PHF21A: variants seen among roughly 807,000 people sequenced by gnomAD.
PHF21A encodes PHD finger protein 21A, also known as BHC80a.
PHF21A carries 11 observed loss-of-function variants against 82.5 expected under a neutral mutation model. The observed-to-expected ratio is 0.13, with a 90% CI of 0.08 to 0.22. The LOEUF (loss-of-function observed/expected upper bound fraction) is 0.22. Ranked by LOEUF, PHF21A falls within the 10% of genes least tolerant of loss-of-function variation. The probability of loss-of-function intolerance (pLI) is 1.00; values close to 1 mark genes in which losing one functional copy is unlikely to be tolerated. For synonymous variants in PHF21A, 297 were observed against 302.8 expected (o/e 0.98, Z 0.20); for missense variants, 579 against 837.8 (o/e 0.69, Z 3.81).
intron 1 of PHF21A, among the ~76,000 whole-genome samples, chr11:46,098,929 G>A (rs986444195): frequency 6.6e-6 from 1 of 152,064 alleles, no homozygotes; most frequent in Non-Finnish European, 1.5e-5. Flanking sequence ...GGAGTTGTTC[G>A]CTCAGAAATG....
At chr11:46,098,587 T>C (rs2097039310) in intron 1 of PHF21A, among the ~76,000 whole-genome samples, 1 of 152,188 alleles carries the variant, frequency 6.6e-6, no homozygotes, top group Non-Finnish European at 1.5e-5. Flanking sequence ...CACGAAGCTG[T>C]TTTCTGAGTC....
intron 3 of PHF21A, among the ~76,000 whole-genome samples, chr11:46,088,670 A>G (rs2096884833): frequency 6.6e-6 from 1 of 152,234 alleles, no homozygotes; most frequent in Non-Finnish European, 1.5e-5. Context: ...TGTGGTTTAA[A>G]TAAGGCAAAA....
chr11:46,115,517 A>G (rs966713569), intron 1 of PHF21A, among the ~76,000 whole-genome samples: 2 of 152,240 alleles, frequency 1.3e-5, no homozygotes, highest in East Asian at 3.8e-4. Flanking sequence ...TTAACATATT[A>G]TCTCTTTTTT....
In PHF21A at chr11:45,932,625, T is replaced by C. The variant is rs562758394; in HGVS notation, c.*1343A>G. 6.5e-6 allele frequency: 1 copy of C among 152,676 alleles called. No homozygotes were observed. The allele number at this position is 152,676 out of a possible 1,614,324, so 9.5% of individuals were successfully genotyped here. ...TTTTAGGAAACAAATAGCACTTTTG[T>C]AATTTTTTTTTACAATGTTTCTTAC... On this transcript the variant is annotated 3_prime_UTR_variant, in exon 19 of 19. Coordinates refer to ENST00000676320, the MANE Select transcript of PHF21A (RefSeq NM_001352027.3). The surrounding 1 kb of genome is among the most constrained non-coding windows in gnomAD (Gnocchi z 4.3).
At chr11:46,055,754 G>A (rs1243147498) in intron 6 of PHF21A, among the ~76,000 whole-genome samples, 1 of 152,070 alleles carries the variant, frequency 6.6e-6, no homozygotes, top group Non-Finnish European at 1.5e-5. Flanking sequence ...TTACCTTTAA[G>A]GCATTTATAA....
chr11:46,029,629 G>A (rs537146579), intron 6 of PHF21A, among the ~76,000 whole-genome samples: 9 of 151,512 alleles, frequency 5.9e-5, no homozygotes, highest in African/African-American at 9.7e-5. Context: ...CAAAGGTTGC[G>A]GTGAGCCAAG....
rs2088031867 is a variant in PHF21A at position 45,933,772 on chromosome 11, T to C, written c.*196A>G. 5 of 467,466 alleles carry C rather than the reference T, an allele frequency of 1.1e-5. No individual in the cohort carries two copies. Among genetic ancestry groups the C allele is most frequent in the Admixed American group, 7.9e-5 (2 of 25,378 alleles). 29.0% of individuals were successfully genotyped at this position (467,466 alleles called of 1,614,324 possible). On this transcript the variant is annotated 3_prime_UTR_variant, in exon 19 of 19. Coordinates refer to ENST00000676320, the MANE Select transcript of PHF21A (RefSeq NM_001352027.3). ...ATTTCATGTAACATGGTCCAATCTT[T>C]GCATGTACACACAGAATAAGAAGGA...
At chr11:46,083,196 T>C (rs1275511850) in intron 4 of PHF21A, among the ~76,000 whole-genome samples, 5 of 151,972 alleles carry the variant, frequency 3.3e-5, no homozygotes, top group Non-Finnish European at 5.9e-5. Context: ...CACAGCTTAT[T>C]ACCTACTTAA....
intron 1 of PHF21A, among the ~76,000 whole-genome samples, chr11:46,106,699 G>A (rs1188328710): frequency 2.0e-5 from 3 of 152,124 alleles, no homozygotes; most frequent in African/African-American, 7.2e-5. Flanking sequence ...ACAATGTTAC[G>A]TCACATCAGG....
At chr11:46,005,526 C>T (rs955328600) in intron 6 of PHF21A, among the ~76,000 whole-genome samples, 4 of 152,166 alleles carry the variant, frequency 2.6e-5, no homozygotes, top group African/African-American at 9.7e-5. Context: ...TCAGACCTTC[C>T]TGTTCTGACT....
At chr11:45,985,996 G>A (rs1000186028) in intron 6 of PHF21A, among the ~76,000 whole-genome samples, 1 of 151,462 alleles carries the variant, frequency 6.6e-6, no homozygotes, top group Non-Finnish European at 1.5e-5. Context: ...TTAACAGATG[G>A]CAAAGAATGC....
chr11:46,047,826 G>C (rs189976873), intron 6 of PHF21A, among the ~76,000 whole-genome samples: 67 of 152,234 alleles, frequency 4.4e-4, no homozygotes, highest in African/African-American at 1.6e-3. Context: ...TGAAAACTCT[G>C]GGTAAACAAT....
intron 6 of PHF21A, among the ~76,000 whole-genome samples, chr11:46,058,070 A>C (rs780157516): frequency 2.0e-5 from 3 of 152,206 alleles, no homozygotes; most frequent in African/African-American, 4.8e-5. Flanking sequence ...CTTTTAACAA[A>C]GCCTTGTTAA....
chr11:45,976,286 T>C (rs578098054), intron 7 of PHF21A, among the ~76,000 whole-genome samples: 38 of 152,322 alleles, frequency 2.5e-4, no homozygotes, highest in African/African-American at 8.7e-4. Context: ...CCTTGACAAG[T>C]ACTTTCTGAT....
intron 7 of PHF21A, among the ~76,000 whole-genome samples, chr11:45,974,752 C>A (rs866776356): frequency 6.6e-6 from 1 of 152,060 alleles, no homozygotes; most frequent in African/African-American, 2.4e-5. Context: ...CACACCCAAC[C>A]AAGAGATTTA....
chr11:45,985,335 A>G (rs1163173162), intron 6 of PHF21A, among the ~76,000 whole-genome samples: 1 of 152,246 alleles, frequency 6.6e-6, no homozygotes, highest in Non-Finnish European at 1.5e-5. Context: ...AACATTAGAG[A>G]CAAAATTACA....
intron 3 of PHF21A, among the ~76,000 whole-genome samples, chr11:46,087,825 G>A (rs1247757433): frequency 1.3e-5 from 2 of 152,094 alleles, no homozygotes; most frequent in African/African-American, 2.4e-5. Context: ...GTGCGATCAC[G>A]GCTCACTGCA....
chr11:46,041,021 T>C (rs1384714148), intron 6 of PHF21A, among the ~76,000 whole-genome samples: 2 of 151,964 alleles, frequency 1.3e-5, no homozygotes, highest in East Asian at 1.9e-4. Flanking sequence ...GATTTGAACA[T>C]GCCTCTACAG....
chr11:46,107,434 G>A (rs1402213433), intron 1 of PHF21A, among the ~76,000 whole-genome samples: 1 of 152,162 alleles, frequency 6.6e-6, no homozygotes, highest in Admixed American at 6.5e-5. Context: ...AAAAGGAAAA[G>A]CATATTTATG....
Sources: allele counts gnomAD v4.1 joint callset (sites outside exome capture counted in the v4.1 genomes callset), GRCh38; gene constraint gnomAD v4.1.1; non-coding constraint Gnocchi (gnomAD v3.1); transcripts MANE v1.5; gene names NCBI Gene and HGNC (gene_info 2026-07-23, HGNC 2026-07-21).